ENOX1: variants seen among roughly 807,000 people sequenced by gnomAD.
ENOX1 encodes ecto-NOX disulfide-thiol exchanger 1, also known as candidate growth-related and time keeping constitutive hydroquinone (NADH) oxidase.
A neutral mutation model predicts 82.5 loss-of-function variants in ENOX1; 42 were observed. The observed-to-expected ratio is 0.51, with a 90% CI of 0.40 to 0.66. ENOX1 has a LOEUF of 0.66. Ranked by LOEUF, ENOX1 falls within the 30% of genes least tolerant of loss-of-function variation. The probability of loss-of-function intolerance (pLI) is 0.00; values close to 1 mark genes in which losing one functional copy is unlikely to be tolerated. For missense variants in ENOX1, 608 were observed against 811.6 expected (o/e 0.75, Z 3.05); for synonymous variants, 271 against 282.2 (o/e 0.96, Z 0.40).
chr13:43,592,403 C>T (rs1256565396), intron 2 of ENOX1, among the ~76,000 whole-genome samples: 1 of 152,138 alleles, frequency 6.6e-6, no homozygotes, highest in East Asian at 1.9e-4. Context: ...TGGGAACATT[C>T]ATGCAGCTTT....
At chr13:43,468,264 C>T (rs758863516) in intron 3 of ENOX1, among the ~76,000 whole-genome samples, 1 of 150,100 alleles carries the variant, frequency 6.7e-6, no homozygotes, top group Non-Finnish European at 1.5e-5. Flanking sequence ...TCACTGCAAC[C>T]TCCGCCTCCT....
intron 5 of ENOX1, among the ~76,000 whole-genome samples, chr13:43,368,756 C>CA (rs1401533381): frequency 6.6e-6 from 1 of 152,220 alleles, no homozygotes; most frequent in Non-Finnish European, 1.5e-5. Context: ...AGGCAATGGA[C>CA]ACTGGCCCTA....
At chr13:43,267,805 G>A (rs1294661379) in intron 13 of ENOX1, among the ~76,000 whole-genome samples, 5 of 152,196 alleles carry the variant, frequency 3.3e-5, no homozygotes, top group African/African-American at 1.2e-4. Context: ...AAAACATTTG[G>A]TGTCAGGCTT....
intron 3 of ENOX1, among the ~76,000 whole-genome samples, chr13:43,472,769 A>C (rs2069241): frequency 0.43 from 64,888 of 152,062 alleles, 14,439 homozygotes; most frequent in Non-Finnish European, 0.5. Context: ...AAGTTCTATG[A>C]AGGTCTTCCA....
intron 2 of ENOX1, among the ~76,000 whole-genome samples, chr13:43,611,150 A>C (rs2082183881): frequency 6.6e-6 from 1 of 152,176 alleles, no homozygotes; most frequent in Non-Finnish European, 1.5e-5. Flanking sequence ...GTGGAAAGCT[A>C]AGTTAACAGG....
At chr13:43,550,050 A>C (rs571498053) in intron 2 of ENOX1, among the ~76,000 whole-genome samples, 1 of 152,106 alleles carries the variant, frequency 6.6e-6, no homozygotes, top group African/African-American at 2.4e-5. Context: ...GGAGTGTGCA[A>C]CCTAGATCCC....
intron 5 of ENOX1, among the ~76,000 whole-genome samples, chr13:43,380,115 A>T (rs1423364489): frequency 6.6e-6 from 1 of 151,872 alleles, no homozygotes; most frequent in Non-Finnish European, 1.5e-5. Flanking sequence ...CTGACATAAT[A>T]AGCTGAAACA....
chr13:43,781,926 A>G (rs1952291925), intron 1 of ENOX1, among the ~76,000 whole-genome samples: 1 of 152,220 alleles, frequency 6.6e-6, no homozygotes, highest in South Asian at 2.1e-4. Flanking sequence ...AGGGTGGCAA[A>G]CAGAATGCTG....
At chr13:43,415,464 G>A (rs915705293) in intron 3 of ENOX1, among the ~76,000 whole-genome samples, 2 of 151,824 alleles carry the variant, frequency 1.3e-5, no homozygotes, top group African/African-American at 4.8e-5. Flanking sequence ...CGAACATGCT[G>A]CCTTCAAGCA....
At chr13:43,280,470 C>G (rs1329224094) in intron 12 of ENOX1, among the ~76,000 whole-genome samples, 1 of 152,206 alleles carries the variant, frequency 6.6e-6, no homozygotes, top group Non-Finnish European at 1.5e-5. Flanking sequence ...AGGAAAGAAG[C>G]TTTTGCCTTA....
intron 13 of ENOX1, 57 bp downstream of exon 13, chr13:43,269,413 G>GGTATGCAATGGGGT: frequency 7.8e-7 from 1 of 1,277,652 alleles, no homozygotes. Context: ...GCACAAGGGA[G>GGTATGCAATGGGGT]GTATGCAATG....
chr13:43,262,870 C>T (rs770700580), intron 14 of ENOX1, among the ~76,000 whole-genome samples: 1 of 152,126 alleles, frequency 6.6e-6, no homozygotes, highest in Non-Finnish European at 1.5e-5. Flanking sequence ...TCATTTAACA[C>T]ACAAATGAGG....
At chr13:43,621,099 C>T (rs534703672) in intron 2 of ENOX1, among the ~76,000 whole-genome samples, 1 of 152,222 alleles carries the variant, frequency 6.6e-6, no homozygotes, top group South Asian at 2.1e-4. Context: ...CATGAAATGC[C>T]TTTTTCCACT....
At chr13:43,521,760 G>C (rs2077779374) in intron 2 of ENOX1, among the ~76,000 whole-genome samples, 2 of 152,114 alleles carry the variant, frequency 1.3e-5, no homozygotes, top group Non-Finnish European at 1.5e-5. Flanking sequence ...CTACTGGACT[G>C]GGAGCTCCCT....
At chr13:43,616,620 T>C (rs1308599641) in intron 2 of ENOX1, among the ~76,000 whole-genome samples, 1 of 152,302 alleles carries the variant, frequency 6.6e-6, no homozygotes, top group East Asian at 1.9e-4. Flanking sequence ...GGAATAATTC[T>C]GCTCATGTGT....
chr13:43,485,938 C>T lies in ENOX1; in HGVS notation c.-218-1786G>A, dbSNP rs147720029. Among the ~76,000 whole-genome samples, 1,100 of 152,198 alleles carry T rather than the reference C, an allele frequency of 7.2e-3. 9 individuals are homozygous for T. The highest frequency in any genetic ancestry group is 0.024 in the African/African-American group (985 of 41,522). On this transcript the variant is annotated intron_variant, in intron 2 of 16. Transcript: ENST00000690772. ...AAAAAATACAAAAATTGGCCAGGTG[C>T]GGTGGCTCATGCCTGTAATCCCAGC...
At chr13:43,323,310 G>A (rs2047920357) in intron 10 of ENOX1, among the ~76,000 whole-genome samples, 1 of 152,210 alleles carries the variant, frequency 6.6e-6, no homozygotes, top group Non-Finnish European at 1.5e-5. Flanking sequence ...ATAATTTAGA[G>A]CCACAGATCT....
intron 2 of ENOX1, among the ~76,000 whole-genome samples, chr13:43,497,950 T>C (rs1012505464): frequency 8.5e-5 from 13 of 152,110 alleles, no homozygotes; most frequent in Non-Finnish European, 5.9e-5. Flanking sequence ...ATATAAGATT[T>C]AGTAAATTTT....
At chr13:43,333,541 T>C (rs2048528271) in intron 9 of ENOX1, among the ~76,000 whole-genome samples, 1 of 152,238 alleles carries the variant, frequency 6.6e-6, no homozygotes, top group East Asian at 1.9e-4. Context: ...TTTTCTTCTT[T>C]GTGACCCTCG....
Sources: gnomAD v4.1 joint callset for allele counts (sites outside exome capture counted in the v4.1 genomes callset) on GRCh38, gnomAD v4.1.1 for gene constraint, MANE v1.5 for transcripts, NCBI Gene and HGNC (gene_info 2026-07-23, HGNC 2026-07-21) for gene names.